The following SPART variants were observed in gnomAD, a reference collection of about 807,000 sequenced individuals.
The protein encoded by SPART is spartin.
Under a neutral mutation model 58.7 loss-of-function variants are expected in SPART, and 35 were observed. The ratio of observed to expected loss-of-function variants is 0.60; its 90% confidence interval spans 0.46 to 0.79. The LOEUF (loss-of-function observed/expected upper bound fraction) is 0.79, where lower values mean the gene tolerates loss of function less well. Ranked by LOEUF, SPART falls within the 30% of genes least tolerant of loss-of-function variation. The pLI is 0.00. For synonymous variants in SPART, 284 were observed against 280.7 expected (o/e 1.01, Z -0.12); for missense variants, 730 against 786.1 (o/e 0.93, Z 0.85).
rs1023555894 is a variant in SPART, at chr13:36,320,432, G to A, written c.1289-6011C>T. The stretch of plus-strand genomic sequence containing the variant: ...CCCTGATCACGCTTGATTTATTGAT[G>A]GCAGTTCCACCAGGCCTAATCGCCA... On this transcript the variant is annotated intron_variant, in intron 5 of 8. Coordinates refer to ENST00000438666, the MANE Select transcript of SPART (RefSeq NM_015087.5). Among the ~76,000 whole-genome samples, 88 of 152,210 alleles carry A rather than the reference G, an allele frequency of 5.8e-4. No individual in the cohort carries two copies. In the Middle Eastern group the frequency reaches 0.01, roughly 18 times the overall value.
chr13:36,325,581 G>A (rs1029746022), intron 5 of SPART, among the ~76,000 whole-genome samples: 4 of 152,090 alleles, frequency 2.6e-5, no homozygotes, highest in Non-Finnish European at 5.9e-5. Flanking sequence ...ATGGTGACTG[G>A]CAATATTTTT....
intron 5 of SPART, among the ~76,000 whole-genome samples, chr13:36,323,050 T>C (rs755050): frequency 0.24 from 36,523 of 151,962 alleles, 4,858 homozygotes; most frequent in East Asian, 0.51. Flanking sequence ...CTTGGAGAAA[T>C]CTTAGGGAGG....
At chr13:36,315,147 A>G (rs186497123) in intron 5 of SPART, among the ~76,000 whole-genome samples, 53 of 152,308 alleles carry the variant, frequency 3.5e-4, no homozygotes, top group African/African-American at 1.3e-3. Context: ...TGCTTTGCTT[A>G]TGTTCTCGCA....
upstream of SPART, among the ~76,000 whole-genome samples, chr13:36,347,147 G>GGAAA (rs546625374): frequency 2.0e-5 from 3 of 149,282 alleles, no homozygotes; most frequent in African/African-American, 7.4e-5. Flanking sequence ...CTGCCTTAGG[G>GGAAA]AAAAAAAAAC....
chr13:36,327,665 A>G (rs961698996), intron 4 of SPART, among the ~76,000 whole-genome samples: 1 of 152,188 alleles, frequency 6.6e-6, no homozygotes, highest in Non-Finnish European at 1.5e-5. Flanking sequence ...CGCATAAAAT[A>G]TATCTAGAAG....
chr13:36,363,353 C>CTG (rs779109805), intron 1 of SPART, among the ~76,000 whole-genome samples: 2 of 147,526 alleles, frequency 1.4e-5, no homozygotes, highest in Admixed American at 6.8e-5. Flanking sequence ...AAATAAGCAT[C>CTG]TCTCTCTCTC....
chr13:36,356,532 C>G (rs1456193997), intron 1 of SPART, among the ~76,000 whole-genome samples: 1 of 152,210 alleles, frequency 6.6e-6, no homozygotes, highest in Non-Finnish European at 1.5e-5. Context: ...GATCCCAGGT[C>G]TTTAGACAAA....
Position 36,320,515 on chromosome 13 carries a change from C to G in SPART, c.1288+6060G>C, listed in dbSNP as rs550976232. 5.9e-5 allele frequency among the ~76,000 whole-genome samples: 9 copies of G among 152,316 alleles called. No individual in the cohort carries two copies. The South Asian group carries it at 1.9e-3, about 32-fold the overall frequency. On this transcript the variant is annotated intron_variant, in intron 5 of 8. Transcript: ENST00000438666. ...AAGCCACTAGCCTGCCTCTTAGAAC[C>G]TCTCATTTCCTTTCCATCGTGGAAA...
chr13:36,330,830 TACC>T (rs778471180), intron 3 of SPART, among the ~76,000 whole-genome samples: 2 of 152,312 alleles, frequency 1.3e-5, no homozygotes, highest in Admixed American at 6.5e-5. Context: ...GGCCTTCATT[TACC>T]ACAAGAACAA....
At position 36,331,562 on chromosome 13, in the gene SPART, C is replaced by T. The variant is rs747928937; in HGVS notation, c.845G>A (p.Arg282Lys). The T allele has an allele frequency of 5.4e-5, 87 of 1,613,636 alleles. No individual in the cohort carries two copies. Among genetic ancestry groups the T allele is most frequent in the Non-Finnish European group, 7.0e-5 (83 of 1,179,940 alleles). Residue 282 changes from arginine (R) to lysine (K), a missense_variant, in exon 3 of 9, where the codon AGA becomes AAA. Coordinates refer to ENST00000438666, the MANE Select transcript of SPART (RefSeq NM_015087.5). ...CGCAGTACATTTCAGAACCGGAGATCTATCAGGAACTAGAGGATATAACCA... is the reference window on the plus strand; with the variant it reads ...CGCAGTACATTTCAGAACCGGAGATTTATCAGGAACTAGAGGATATAACCA... Reference protein sequence around the residue: ...CDWLYPLVPDRSPVLKCTAGA... With the variant: ...CDWLYPLVPDKSPVLKCTAGA...
chr13:36,311,980 G>A (rs1273377838), intron 8 of SPART, among the ~76,000 whole-genome samples, 165 bp downstream of exon 8: 2 of 152,000 alleles, frequency 1.3e-5, no homozygotes, highest in Non-Finnish European at 2.9e-5. Flanking sequence ...CCAGCTACTC[G>A]GGAGGCTGAG....
In SPART at chr13:36,303,178, T is replaced by C. The variant is rs1219621714; in HGVS notation, c.*1187A>G. 15 of 152,202 alleles carry C rather than the reference T, an allele frequency of 9.9e-5. No homozygotes were observed. The highest frequency in any genetic ancestry group is 8.8e-5 in the Non-Finnish European group (6 of 68,028). The allele number at this position is 152,202 out of a possible 1,614,324, so 9.4% of individuals were successfully genotyped here. A position where few individuals can be genotyped will look rare whatever the true frequency, so the allele number is the denominator to read the frequency against. Reference sequence around the variant, plus strand: ...TTTTTTAATTCATAAAGTGCATTCTTCAGACAGCTTCAAATAATGTCTAAT... The same window carrying C: ...TTTTTTAATTCATAAAGTGCATTCTCCAGACAGCTTCAAATAATGTCTAAT... On this transcript the variant is annotated 3_prime_UTR_variant, in exon 9 of 9. Coordinates refer to ENST00000438666, the MANE Select transcript of SPART (RefSeq NM_015087.5).
chr13:36,335,231 C>A lies in SPART; in HGVS notation c.600G>T (p.Glu200Asp). Residue 200 changes from glutamate (E) to aspartate (D), a missense_variant, in exon 2 of 9, where the codon GAG (glutamate) becomes GAT (aspartate). Coordinates refer to ENST00000438666, the MANE Select transcript of SPART (RefSeq NM_015087.5). ...DSGEFSSVGEEFYRNHSQPPP... is the reference protein window; with the variant it reads ...DSGEFSSVGEDFYRNHSQPPP... ...GTGGCTGAGAATGATTCCTATAAAA[C>A]TCCTCTCCAACTGATGAAAACTCCC... 1 of 1,614,110 alleles carries A rather than the reference C, an allele frequency of 6.2e-7. No individual in the cohort carries two copies. The highest frequency in any genetic ancestry group is 8.5e-7 in the Non-Finnish European group (1 of 1,180,026).
chr13:36,320,124 C>T (rs1354037101), intron 5 of SPART, among the ~76,000 whole-genome samples: 1 of 152,118 alleles, frequency 6.6e-6, no homozygotes, highest in Admixed American at 6.5e-5. Context: ...CTTTTAGAGG[C>T]CCTCAAAATC....
upstream of SPART, chr13:36,346,476 C>T (rs1454503337): frequency 1.3e-5 from 2 of 152,780 alleles, no homozygotes; most frequent in African/African-American, 2.4e-5. Flanking sequence ...GCCACAGAGC[C>T]CGCAGCACGC....
At chr13:36,342,860 G>A (rs1260064098) in intron 1 of SPART, among the ~76,000 whole-genome samples, 2 of 152,230 alleles carry the variant, frequency 1.3e-5, no homozygotes, top group Middle Eastern at 3.4e-3. Flanking sequence ...CTGAGAATAT[G>A]CCCATTGTCC....
upstream of SPART, among the ~76,000 whole-genome samples, chr13:36,348,084 G>A (rs1289573585): frequency 6.6e-6 from 1 of 152,072 alleles, no homozygotes; most frequent in Admixed American, 6.6e-5. Flanking sequence ...CCAGGAGTTC[G>A]AGACCAGCCT....
chr13:36,314,053 C>T lies in SPART; in HGVS notation c.1483+174G>A, dbSNP rs549817477. On this transcript the variant is annotated intron_variant, in intron 6 of 8. Coordinates refer to ENST00000438666, the MANE Select transcript of SPART (RefSeq NM_015087.5). ...GCATTTCTAAGGATTCCAGATAGGA[C>T]GATGTGATGTTGCTGGTCCGCAGGT... 55 of 649,204 alleles carry T rather than the reference C, an allele frequency of 8.5e-5. 1 individual carries two copies. The highest frequency in any genetic ancestry group is 1.0e-4 in the Non-Finnish European group (40 of 382,030). 40.2% of individuals were successfully genotyped at this position (649,204 alleles called of 1,614,324 possible).
intron 1 of SPART, among the ~76,000 whole-genome samples, chr13:36,358,356 A>AACCATCATCTCC (rs780967062): frequency 9.8e-4 from 149 of 152,298 alleles, no homozygotes; most frequent in Non-Finnish European, 1.8e-3. Flanking sequence ...TAACTTGAAA[A>AACCATCATCTCC]ACCATCATCT....
Sources: gnomAD v4.1 joint callset for allele counts (sites outside exome capture counted in the v4.1 genomes callset) on GRCh38, gnomAD v4.1.1 for gene constraint, MANE v1.5 for transcripts, NCBI Gene and HGNC (gene_info 2026-07-23, HGNC 2026-07-21) for gene names.